B4GALNT2: variants seen among roughly 807,000 people sequenced by gnomAD.
B4GALNT2 encodes the protein beta-1,4-N-acetyl-galactosaminyltransferase 2 (SID blood group), also known as N-acetylneuraminylgalactosylglucosyl-glucoside beta-1,4-N- acetylgalactosaminyltransferase 2.
In B4GALNT2, 42 loss-of-function variants were observed where a neutral mutation model predicts 51.1. The observed-to-expected ratio is 0.82, with a 90% confidence interval of 0.64 to 1.06. The LOEUF (loss-of-function observed/expected upper bound fraction) is 1.06, where lower values mean the gene tolerates loss of function less well. Ranked by LOEUF, B4GALNT2 falls within the 50% of genes least tolerant of loss-of-function variation. B4GALNT2 has a pLI of 0.00. For synonymous variants in B4GALNT2, 253 were observed against 251.7 expected, an observed-to-expected ratio of 1.01 and a Z score of -0.05; for missense variants, 602 against 633.6, an observed-to-expected ratio of 0.95 and a Z score of 0.54.
the B4GALNT2 span, among the ~76,000 whole-genome samples, chr17:49,125,733 C>T: frequency 1.7e-4 from 21 of 126,512 alleles, no homozygotes; most frequent in Admixed American, 2.4e-4. Flanking sequence ...CCGGCCGCCC[C>T]GTCCCGGAGG....
chr17:49,163,936 C>T, intron 7 of B4GALNT2, 152 bp from the exon 8 acceptor site: 1 of 676,922 alleles, frequency 1.5e-6, no homozygotes, highest in Non-Finnish European at 2.5e-6. Context: ...ATGCAACTAA[C>T]AAACTCTTAT....
chr17:49,169,384 G>A (rs1212216341), intron 10 of B4GALNT2, 139 bp from the exon 11 acceptor site: 5 of 734,308 alleles, frequency 6.8e-6, no homozygotes, highest in Non-Finnish European at 1.2e-5. Flanking sequence ...AGAGTTAAGG[G>A]TGTGGCTTCA....
upstream of B4GALNT2, among the ~76,000 whole-genome samples, chr17:49,131,592 A>C (rs564048411): frequency 6.6e-6 from 1 of 150,474 alleles, no homozygotes; most frequent in East Asian, 2.0e-4. Flanking sequence ...AACCTCTGCC[A>C]CCTGGGTTCA....
intron 10 of B4GALNT2, among the ~76,000 whole-genome samples, chr17:49,169,177 C>T (rs1039996554): frequency 6.6e-6 from 1 of 152,000 alleles, no homozygotes; most frequent in Non-Finnish European, 1.5e-5. Flanking sequence ...CTTTCCCATG[C>T]TGCTTCATAT....
the B4GALNT2 span, among the ~76,000 whole-genome samples, chr17:49,121,007 A>AT: frequency 1.3e-5 from 2 of 152,034 alleles, no homozygotes; most frequent in African/African-American, 2.4e-5. Flanking sequence ...AAGCCTGGAT[A>AT]TTTTGTTCTC....
chr17:49,171,785 T>A lies in B4GALNT2; in HGVS notation c.*2057T>A, dbSNP rs958969682. On this transcript the variant is annotated 3_prime_UTR_variant, in exon 11 of 11. Coordinates refer to ENST00000393354, the MANE Select transcript of B4GALNT2 (RefSeq NM_001159387.2). ...AATCGTTGTGCAGCACCTCTACCTG[T>A]TCTGCAATGCAATCTTCCCAAACAA... The A allele has an allele frequency of 9.5e-6, 4 of 419,132 alleles. No individual in the cohort carries two copies. The highest frequency in any genetic ancestry group is 1.9e-5 in the Non-Finnish European group (4 of 215,984). 26.0% of individuals were successfully genotyped at this position (419,132 alleles called of 1,614,324 possible).
At chr17:49,140,670 T>G (rs2144280265) in intron 1 of B4GALNT2, among the ~76,000 whole-genome samples, 1 of 152,014 alleles carries the variant, frequency 6.6e-6, no homozygotes, top group South Asian at 2.1e-4. Context: ...CTGTCCTATT[T>G]AATACTCTTT....
chr17:49,154,869 A>G (rs1338115057), intron 4 of B4GALNT2, among the ~76,000 whole-genome samples: 1 of 152,172 alleles, frequency 6.6e-6, no homozygotes, highest in Non-Finnish European at 1.5e-5. Flanking sequence ...GAGAGGATGT[A>G]CTTGAATTCA....
At position 49,175,656 on chromosome 17, in the gene B4GALNT2, C is replaced by G. The variant is rs1334390000; in HGVS notation, c.*5928C>G. On this transcript the variant is annotated 3_prime_UTR_variant, in exon 11 of 11. Transcript: ENST00000393354. ...CATTGTACAGGGGTGAGGGAGTGAGCTATAATATTTCCCTGTTGATCTGGG... is the reference window on the plus strand; with the variant it reads ...CATTGTACAGGGGTGAGGGAGTGAGGTATAATATTTCCCTGTTGATCTGGG... 1 of 152,090 alleles carries G rather than the reference C, an allele frequency of 6.6e-6. No homozygotes were observed. The highest frequency in any genetic ancestry group is 1.5e-5 in the Non-Finnish European group (1 of 68,048). 9.4% of individuals were successfully genotyped at this position (152,090 alleles called of 1,614,324 possible).
At chr17:49,132,967 A>T (rs1473673600) in intron 1 of B4GALNT2, 161 bp downstream of exon 1, 2 of 1,417,788 alleles carry the variant, frequency 1.4e-6, no homozygotes, top group Admixed American at 3.4e-5. Flanking sequence ...GGTTCCCCGC[A>T]TAGGTGGCTG....
At chr17:49,126,962 C>T in the B4GALNT2 span, among the ~76,000 whole-genome samples, 2 of 152,192 alleles carry the variant, frequency 1.3e-5, no homozygotes, top group African/African-American at 4.8e-5. Context: ...CCTTGGCCTC[C>T]CAAAGTGCTG....
At position 49,172,180 on chromosome 17, in the gene B4GALNT2, G is replaced by A. The variant is rs57745799; in HGVS notation, c.*2452G>A. The A allele has an allele frequency of 7.7e-3, 2,051 of 266,276 alleles. 39 individuals are homozygous for A. The highest frequency in any genetic ancestry group is 0.044 in the African/African-American group (1,939 of 44,570). The allele number at this position is 266,276 out of a possible 1,614,324, so 16.5% of individuals were successfully genotyped here. A position where few individuals can be genotyped will look rare whatever the true frequency, so the allele number is the denominator to read the frequency against. ...CCCAGGTAGGTGGCTGTGTTCGACA[G>A]CTGTTGCTCATGATAGTTGGGGTCC... On this transcript the variant is annotated 3_prime_UTR_variant, in exon 11 of 11. Transcript: ENST00000393354.
At chr17:49,145,566 C>T (rs757754162) in intron 3 of B4GALNT2, among the ~76,000 whole-genome samples, 5 of 152,214 alleles carry the variant, frequency 3.3e-5, no homozygotes, top group Non-Finnish European at 7.3e-5. Flanking sequence ...CTGTATTCCC[C>T]TTGCCTTCAG....
the B4GALNT2 span, among the ~76,000 whole-genome samples, chr17:49,125,485 A>C: frequency 6.6e-6 from 1 of 152,088 alleles, no homozygotes; most frequent in Non-Finnish European, 1.5e-5. Flanking sequence ...ATTATGCACT[A>C]GGTGTAGAGC....
intron 3 of B4GALNT2, among the ~76,000 whole-genome samples, chr17:49,146,649 C>A (rs1361822422): frequency 6.6e-6 from 1 of 152,120 alleles, no homozygotes; most frequent in Non-Finnish European, 1.5e-5. Flanking sequence ...CTGACTACTC[C>A]ATAGGGATCC....
intron 2 of B4GALNT2, among the ~76,000 whole-genome samples, 171 bp downstream of exon 2, chr17:49,141,618 A>G (rs1343028072): frequency 3.9e-5 from 6 of 152,202 alleles, no homozygotes; most frequent in Non-Finnish European, 7.3e-5. Flanking sequence ...TGTACGATCC[A>G]GTCTATGTTC....
rs752920813 is a variant in B4GALNT2, at chr17:49,142,137, G to T, written c.318G>T (p.Ala106=). 1.2e-6 allele frequency: 2 copies of T among 1,614,102 alleles called. No individual in the cohort carries two copies. The highest frequency in any genetic ancestry group is 1.7e-5 in the Admixed American group (1 of 60,016). ...AGAGCGACCTCCCAGCGGTGAAAGCGAGGAGACAGGCTGAATTTGAACACT... is the reference window on the plus strand; with the variant it reads ...AGAGCGACCTCCCAGCGGTGAAAGCTAGGAGACAGGCTGAATTTGAACACT... The part of the protein sequence containing the change: ...YGQSDLPAVK[A]RRQAEFEHFQ... The change falls in exon 3 of 11, where the codon GCG becomes GCT. Residue 106 remains alanine (A), a synonymous_variant. Coordinates refer to ENST00000393354, the MANE Select transcript of B4GALNT2 (RefSeq NM_001159387.2).
At chr17:49,122,116 A>G in the B4GALNT2 span, among the ~76,000 whole-genome samples, 2 of 152,062 alleles carry the variant, frequency 1.3e-5, no homozygotes, top group African/African-American at 4.8e-5. Context: ...CAGGGCTGGC[A>G]TGTCTCTGGT....
rs560979987 is a variant in B4GALNT2, at chr17:49,166,272, G to A, written c.1095+18G>A. On this transcript the variant is annotated intron_variant, in intron 9 of 10. Transcript: ENST00000393354. ...TGGACGTGGTAAGGGACAGTTGCCA[G>A]TTTCACCCAGCCACAATCTGTAGAG... 6.7e-7 allele frequency: 1 copy of A among 1,498,758 alleles called. No homozygotes were observed. Among genetic ancestry groups the A allele is most frequent in the Non-Finnish European group, 9.0e-7 (1 of 1,106,780 alleles). The allele number at this position is 1,498,758 out of a possible 1,614,324, so 92.8% of individuals were successfully genotyped here. A position where few individuals can be genotyped will look rare whatever the true frequency, so the allele number is the denominator to read the frequency against.
Sources: allele counts gnomAD v4.1 joint callset (sites outside exome capture counted in the v4.1 genomes callset), GRCh38; gene constraint gnomAD v4.1.1; transcripts MANE v1.5; gene names NCBI Gene and HGNC (gene_info 2026-07-23, HGNC 2026-07-21).